TMEM114: variants seen among roughly 807,000 people sequenced by gnomAD.
TMEM114 encodes claudin-26.
In TMEM114, 6 loss-of-function variants were observed where a neutral mutation model predicts 6.2. The observed-to-expected ratio is 0.97, with a 90% CI of 0.53 to 1.91. The LOEUF (loss-of-function observed/expected upper bound fraction) is 1.91. Among genes scored for constraint, TMEM114 ranks in the 40% most tolerant of loss-of-function variants. The pLI, the probability that TMEM114 is intolerant of heterozygous loss-of-function variation, is 0.01. For missense variants in TMEM114, 218 were observed against 158.3 expected (o/e 1.38, Z -2.02); for synonymous variants, 104 against 73.0 (o/e 1.42, Z -2.16).
the TMEM114 span, among the ~76,000 whole-genome samples, chr16:8,528,520 G>A: frequency 6.6e-6 from 1 of 152,160 alleles, no homozygotes; most frequent in Non-Finnish European, 1.5e-5. Context: ...GGAAGCCAGA[G>A]TTGAGGAGGG....
chr16:8,567,507 G>C (rs1433766126), downstream of TMEM114, among the ~76,000 whole-genome samples: 14 of 152,232 alleles, frequency 9.2e-5, no homozygotes, highest in Admixed American at 8.5e-4. Context: ...TCGCTTAGCA[G>C]AGTGTCTCAG....
the TMEM114 span, among the ~76,000 whole-genome samples, chr16:8,530,710 G>A: frequency 1.3e-5 from 2 of 151,834 alleles, no homozygotes; most frequent in Non-Finnish European, 2.9e-5. Context: ...GAGAGAATTG[G>A]GATTGGGGAG....
chr16:8,585,359 T>C (rs1411624474), intron 2 of TMEM114, among the ~76,000 whole-genome samples: 1 of 152,128 alleles, frequency 6.6e-6, no homozygotes, highest in Non-Finnish European at 1.5e-5. Flanking sequence ...ATCTGCCAGG[T>C]GATTACAGTA....
intron 2 of TMEM114, among the ~76,000 whole-genome samples, chr16:8,564,121 ATGAG>A (rs1364363797): frequency 1.4e-5 from 2 of 145,618 alleles, no homozygotes; most frequent in African/African-American, 5.2e-5. Context: ...AAGTAAGTGA[ATGAG>A]TGAGTTAGTG....
chr16:8,551,759 G>T (rs1033497244), intron 2 of TMEM114, among the ~76,000 whole-genome samples: 1 of 152,202 alleles, frequency 6.6e-6, no homozygotes, highest in Non-Finnish European at 1.5e-5. Context: ...TTCTAGGGGT[G>T]TTTCATTAAA....
At chr16:8,572,628 G>A (rs771985758) in intron 2 of TMEM114, among the ~76,000 whole-genome samples, 1 of 152,144 alleles carries the variant, frequency 6.6e-6, no homozygotes, top group Non-Finnish European at 1.5e-5. Flanking sequence ...TAAAGATGAA[G>A]TCTTGATATG....
chr16:8,569,964 A>G lies in TMEM114; in HGVS notation c.481T>C (p.Ser161Pro). ...AGCGCCTCCCGGAAGGCGGCGGCTG[A>G]ATACGCTATGTAGACGCTGATCCCA... ...LAGISVYIAY[S>P]AAAFREALCL... Residue 161 changes from serine (S) to proline (P), a missense_variant, in exon 4 of 4, where the codon TCA (serine) becomes CCA (proline). Ser to Pro is a moderately conservative substitution (Grantham distance 74). Transcript: ENST00000620492. 1 of 1,550,950 alleles carries G rather than the reference A, an allele frequency of 6.4e-7. No homozygotes were observed. The highest frequency in any genetic ancestry group is 1.2e-5 in the South Asian group (1 of 84,062).
At chr16:8,580,227 C>T (rs370396972) in intron 2 of TMEM114, among the ~76,000 whole-genome samples, 2 of 152,188 alleles carry the variant, frequency 1.3e-5, no homozygotes, top group African/African-American at 4.8e-5. Flanking sequence ...CGATGCATGC[C>T]TGTAATCCCA....
At chr16:8,563,005 T>A (rs1567202629) in intron 2 of TMEM114, among the ~76,000 whole-genome samples, 1 of 132,172 alleles carries the variant, frequency 7.6e-6, no homozygotes, top group Admixed American at 7.7e-5. Flanking sequence ...AATGAGTGAG[T>A]GAATGAATGA....
chr16:8,532,221 T>C, the TMEM114 span, among the ~76,000 whole-genome samples: 2 of 152,198 alleles, frequency 1.3e-5, no homozygotes, highest in African/African-American at 4.8e-5. Context: ...ACCCAGATCC[T>C]AGTATTGAGA....
chr16:8,558,167 C>T (rs999669204), intron 2 of TMEM114, among the ~76,000 whole-genome samples: 1 of 152,158 alleles, frequency 6.6e-6, no homozygotes, highest in African/African-American at 2.4e-5. Context: ...GCAGGAGAAT[C>T]ACTTGAACCT....
intron 2 of TMEM114, among the ~76,000 whole-genome samples, chr16:8,563,784 A>G (rs1442389106): frequency 6.2e-5 from 9 of 145,318 alleles, no homozygotes; most frequent in Non-Finnish European, 1.4e-4. Context: ...TGAATGACTG[A>G]GTGAGTAAAT....
chr16:8,552,247 G>A (rs1381860446), intron 2 of TMEM114, among the ~76,000 whole-genome samples: 2 of 151,962 alleles, frequency 1.3e-5, no homozygotes, highest in Non-Finnish European at 2.9e-5. Flanking sequence ...AGCCAGGCAT[G>A]GTTGTGTGTG....
intron 2 of TMEM114, among the ~76,000 whole-genome samples, chr16:8,588,369 C>T (rs914004531): frequency 0.096 from 14,587 of 151,814 alleles, 1,005 homozygotes; most frequent in Non-Finnish European, 0.14. Flanking sequence ...CCTACAGAAC[C>T]TCTCTGGGCC....
Position 8,590,026 on chromosome 16 carries a change from G to A in TMEM114, c.-188C>T, listed in dbSNP as rs951341885. 1.3e-5 allele frequency: 5 copies of A among 381,070 alleles called. No homozygotes were observed. In the Admixed American group the frequency reaches 1.4e-4, roughly 10 times the overall value. The allele number at this position is 381,070 out of a possible 1,614,324, so 23.6% of individuals were successfully genotyped here. On this transcript the variant is annotated 5_prime_UTR_variant, in exon 1 of 4. Transcript: ENST00000620492. ...TTAGACCCTGGCTCCTCACCTGCCG[G>A]CTCCGACCTGCACGCGCCCCCCGCT...
chr16:8,566,769 C>G (rs565643890), downstream of TMEM114, among the ~76,000 whole-genome samples: 1 of 152,254 alleles, frequency 6.6e-6, no homozygotes, highest in African/African-American at 2.4e-5. Context: ...CCTGCCTGGT[C>G]TGCAGTTTCC....
intron 2 of TMEM114, among the ~76,000 whole-genome samples, chr16:8,545,695 A>C (rs1900643771): frequency 6.6e-6 from 1 of 152,116 alleles, no homozygotes; most frequent in African/African-American, 2.4e-5. Context: ...TGATCTGGGG[A>C]CCACACTTTG....
intron 2 of TMEM114, among the ~76,000 whole-genome samples, chr16:8,557,750 C>T (rs1012966016): frequency 5.3e-5 from 8 of 152,144 alleles, no homozygotes; most frequent in Non-Finnish European, 2.9e-5. Flanking sequence ...ATAACAGCAC[C>T]TACTTCACAG....
At chr16:8,549,401 G>A (rs1416313693) in intron 2 of TMEM114, among the ~76,000 whole-genome samples, 2 of 151,182 alleles carry the variant, frequency 1.3e-5, no homozygotes, top group Admixed American at 6.6e-5. Context: ...TCGGGAGGCT[G>A]AGGAAGGAGA....
Sources: allele counts gnomAD v4.1 joint callset (sites outside exome capture counted in the v4.1 genomes callset), GRCh38; gene constraint gnomAD v4.1.1; transcripts MANE v1.5; gene names NCBI Gene and HGNC (gene_info 2026-07-23, HGNC 2026-07-21).